The following UNKL variants were observed in gnomAD, a reference collection of about 807,000 sequenced individuals.
The protein encoded by UNKL is putative E3 ubiquitin-protein ligase UNKL.
A neutral mutation model predicts 78.0 loss-of-function variants in UNKL; 60 were observed. That is an observed-to-expected ratio of 0.77 (90% CI 0.63 to 0.95). UNKL has a LOEUF of 0.95. Among genes scored for constraint, UNKL ranks in the 40% least tolerant of loss-of-function variants. UNKL has a pLI of 0.00. For missense variants in UNKL, 1,159 were observed against 1,045.7 expected (o/e 1.11, Z -1.49); for synonymous variants, 608 against 474.8 (o/e 1.28, Z -3.65).
At chr16:1,397,084 A>G in intron 6 of UNKL, 94 bp downstream of exon 6, 1 of 1,365,924 alleles carries the variant, frequency 7.3e-7, no homozygotes, top group Non-Finnish European at 1.0e-6. Flanking sequence ...AAAGTTAATC[A>G]CTGTTCCTTC....
Position 1,414,006 on chromosome 16 carries a change from T to C in UNKL, c.127A>G (p.Lys43Glu), listed in dbSNP as rs1285444519. The C allele has an allele frequency of 1.3e-6, 2 of 1,551,528 alleles. No individual in the cohort carries two copies. Among genetic ancestry groups the C allele is most frequent in the Non-Finnish European group, 1.7e-6 (2 of 1,147,384 alleles). ...GTGAACGGCCGGTGCTGCGCGCACTTGTGCTGTGAAAACAGGGGGCACTGC... is the reference window on the plus strand; with the variant it reads ...GTGAACGGCCGGTGCTGCGCGCACTCGTGCTGTGAAAACAGGGGGCACTGC... The part of the protein sequence containing the change: ...TEQCPLFSQH[K>E]CAQHRPFTCF... The change falls in exon 2 of 15, where the codon AAG becomes GAG. Residue 43 changes from lysine to glutamate, a missense_variant. Physicochemically the swap from Lys to Glu is moderately conservative, Grantham distance 56. Coordinates refer to ENST00000389221, the MANE Select transcript of UNKL (RefSeq NM_001372107.1).
chr16:1,367,170 C>T lies in UNKL; in HGVS notation c.1968G>A (p.Gly656=). Residue 656 remains glycine (G), a synonymous_variant, in exon 14 of 15, where the codon GGG becomes GGA. Transcript: ENST00000389221. ...ASTLPGLRGC[G]DIGTIPLPKL... ...TCGGCAGGGGAATGGTGCCGATGTC[C>T]CCACAGCCCCGCAGCCCCGGCAGTG... 6.2e-7 allele frequency: 1 copy of T among 1,605,668 alleles called. No individual in the cohort carries two copies. The highest frequency in any genetic ancestry group is 8.5e-7 in the Non-Finnish European group (1 of 1,178,036).
chr16:1,367,191 C>T lies in UNKL; in HGVS notation c.1947G>A (p.Leu649=), dbSNP rs917237807. ...ELEGLGVAST[L]PGLRGCGDIG... is the part of the protein sequence containing the mutation. ...TGTCCCCACAGCCCCGCAGCCCCGGCAGTGTGGAGGCTACGCCCAGGCCCT... is the reference window on the plus strand; with the variant it reads ...TGTCCCCACAGCCCCGCAGCCCCGGTAGTGTGGAGGCTACGCCCAGGCCCT... Residue 649 remains leucine (L), a synonymous_variant, in exon 14 of 15, where the codon CTG becomes CTA. Coordinates refer to ENST00000389221, the MANE Select transcript of UNKL (RefSeq NM_001372107.1). 5.0e-6 allele frequency: 8 copies of T among 1,605,980 alleles called. No homozygotes were observed. The highest frequency in any genetic ancestry group is 6.8e-6 in the Non-Finnish European group (8 of 1,178,284).
chr16:1,401,441 G>C (rs2037520176), intron 4 of UNKL, 127 bp downstream of exon 4: 3 of 1,241,490 alleles, frequency 2.4e-6, no homozygotes, highest in Non-Finnish European at 1.0e-6. Flanking sequence ...GACTCCACGA[G>C]CCTCGGTTTC....
Position 1,367,183 on chromosome 16 carries a change from A to G in UNKL, c.1955T>C (p.Leu652Pro). 6.2e-7 allele frequency: 1 copy of G among 1,606,098 alleles called. No homozygotes were observed. The highest frequency in any genetic ancestry group is 8.5e-7 in the Non-Finnish European group (1 of 1,178,196). The change falls in exon 14 of 15, where the codon CTG (leucine) becomes CCG (proline). Residue 652 changes from leucine (L) to proline (P), a missense_variant. Leu to Pro is a moderately conservative substitution (Grantham distance 98). Coordinates refer to ENST00000389221, the MANE Select transcript of UNKL (RefSeq NM_001372107.1). ...GLGVASTLPG[L>P]RGCGDIGTIP... is the part of the protein sequence containing the mutation. ...GGTGCCGATGTCCCCACAGCCCCGC[A>G]GCCCCGGCAGTGTGGAGGCTACGCC...
At chr16:1,401,146 C>G (rs1181796389) in intron 4 of UNKL, among the ~76,000 whole-genome samples, 1 of 152,146 alleles carries the variant, frequency 6.6e-6, no homozygotes, top group Non-Finnish European at 1.5e-5. Flanking sequence ...GAGCACCACC[C>G]CAGAGAGGCG....
At chr16:1,389,794 G>C (rs1056657748) in intron 9 of UNKL, among the ~76,000 whole-genome samples, 1 of 152,212 alleles carries the variant, frequency 6.6e-6, no homozygotes, top group Non-Finnish European at 1.5e-5. Flanking sequence ...AACTGAGAGA[G>C]TCAAGTGCTG....
At chr16:1,374,473 C>G (rs1441113149) in intron 10 of UNKL, among the ~76,000 whole-genome samples, 3 of 152,164 alleles carry the variant, frequency 2.0e-5, no homozygotes, top group Non-Finnish European at 2.9e-5. Context: ...CTCCATGGCC[C>G]CAGGCAACCG....
chr16:1,363,495 C>A lies in UNKL; in HGVS notation c.*2745G>T. ...ACCACAGTTACACACGTCGTGACAC[C>A]ACTGTATCACGGCGAATGTCGAACA... On this transcript the variant is annotated 3_prime_UTR_variant, in exon 15 of 15. Coordinates refer to ENST00000389221, the MANE Select transcript of UNKL (RefSeq NM_001372107.1). 1 of 297,568 alleles carries A rather than the reference C, an allele frequency of 3.4e-6. No homozygotes were observed. The highest frequency in any genetic ancestry group is 6.6e-6 in the Non-Finnish European group (1 of 152,076). 18.4% of individuals were successfully genotyped at this position (297,568 alleles called of 1,614,324 possible).
At chr16:1,400,610 G>A (rs2037484781) in intron 4 of UNKL, among the ~76,000 whole-genome samples, 1 of 151,996 alleles carries the variant, frequency 6.6e-6, no homozygotes, top group Admixed American at 6.6e-5. Flanking sequence ...GAGAGAGGTG[G>A]CAGCTGCACA....
intron 2 of UNKL, among the ~76,000 whole-genome samples, chr16:1,405,573 T>G (rs1199299955): frequency 6.8e-6 from 1 of 146,008 alleles, no homozygotes; most frequent in African/African-American, 2.5e-5. Flanking sequence ...CAAAACTCCA[T>G]CTCAAAAAAA....
At chr16:1,374,450 G>C (rs1477063609) in intron 10 of UNKL, among the ~76,000 whole-genome samples, 3 of 152,096 alleles carry the variant, frequency 2.0e-5, no homozygotes, top group Non-Finnish European at 4.4e-5. Flanking sequence ...TCCTCACCTG[G>C]GACCGATGGT....
In UNKL at chr16:1,366,122, AGG is replaced by A. The variant is rs1596629121; in HGVS notation, c.*116_*117del. On this transcript the variant is annotated 3_prime_UTR_variant, in exon 15 of 15. Coordinates refer to ENST00000389221, the MANE Select transcript of UNKL (RefSeq NM_001372107.1). Reference sequence around the variant, plus strand: ...AGCCTCATGATAACGTGTAACAGGAAGGGCTCCCAGCCTCGGTCCTCACGTCG... The same window carrying A: ...AGCCTCATGATAACGTGTAACAGGAAGCTCCCAGCCTCGGTCCTCACGTCG... 2.4e-6 allele frequency: 3 copies of A among 1,251,028 alleles called. No individual in the cohort carries two copies. The East Asian group carries it at 8.4e-5, about 35-fold the overall frequency. The allele number at this position is 1,251,028 out of a possible 1,614,324, so 77.5% of individuals were successfully genotyped here. A position where few individuals can be genotyped will look rare whatever the true frequency, so the allele number is the denominator to read the frequency against.
In UNKL at chr16:1,403,809, A is replaced by T. The variant is rs753299203; in HGVS notation, c.288-465T>A. On this transcript the variant is annotated intron_variant, in intron 2 of 14. Transcript: ENST00000389221. The surrounding 1 kb of genome is among the most constrained non-coding windows in gnomAD (Gnocchi z 4.8). ...GCTGCTTTCAGGGACCCCAGGAGGG[A>T]GGTAGGGGAGGGAACAAGCACAGGG... 2.6e-5 allele frequency among the ~76,000 whole-genome samples: 4 copies of T among 151,714 alleles called. No homozygotes were observed. Among genetic ancestry groups the T allele is most frequent in the Non-Finnish European group, 4.4e-5 (3 of 67,926 alleles).
intron 2 of UNKL, 151 bp downstream of exon 2, chr16:1,413,695 T>C (rs1310188282): frequency 9.2e-6 from 8 of 870,240 alleles, no homozygotes; most frequent in Non-Finnish European, 1.4e-5. Flanking sequence ...CCAGCATCCC[T>C]GGTCACTAGA....
At position 1,390,292 on chromosome 16, in the gene UNKL, G is replaced by A. The variant is rs113585068; in HGVS notation, c.1086+340C>T. Among the ~76,000 whole-genome samples the A allele has an allele frequency of 1.7e-3, 262 of 152,274 alleles. 3 individuals carry two copies. The highest frequency in any genetic ancestry group is 5.5e-3 in the African/African-American group (227 of 41,548). Reference sequence around the variant, plus strand: ...TGAGCCACCGTGCCCGGCAAGTTCTGCTGTTGGAACGGCCCCATCTGCATC... The same window carrying A: ...TGAGCCACCGTGCCCGGCAAGTTCTACTGTTGGAACGGCCCCATCTGCATC... On this transcript the variant is annotated intron_variant, in intron 9 of 14. Coordinates refer to ENST00000389221, the MANE Select transcript of UNKL (RefSeq NM_001372107.1).
intron 10 of UNKL, among the ~76,000 whole-genome samples, chr16:1,375,941 T>C (rs1242493563): frequency 6.6e-6 from 1 of 152,224 alleles, no homozygotes; most frequent in Non-Finnish European, 1.5e-5. Context: ...CCTCAAAGCC[T>C]GACTGAAGTC....
In UNKL at chr16:1,413,897, ACGTCGGGGCTGTAGTTGAAGGTGC is replaced by A. The variant is rs1330132069; in HGVS notation, c.212_235del (p.Gly71_Asp78del). On this transcript the variant is annotated inframe_deletion, in exon 2 of 15. Transcript: ENST00000389221. ...GGCTTCGTTGTACTTGGAGCAGTAC[ACGTCGGGGCTGTAGTTGAAGGTGC>A]CGTCGCGCCTGCGGAGGGGCCTGCG... 6.4e-7 allele frequency: 1 copy of A among 1,558,750 alleles called. No homozygotes were observed. Among genetic ancestry groups the A allele is most frequent in the Admixed American group, 1.9e-5 (1 of 51,970 alleles).
At chr16:1,389,244 G>C (rs558903918) in intron 9 of UNKL, among the ~76,000 whole-genome samples, 1 of 152,100 alleles carries the variant, frequency 6.6e-6, no homozygotes, top group Non-Finnish European at 1.5e-5. Context: ...CTTGACCCCC[G>C]GTGTGACTAA....
Sources: gnomAD v4.1 joint callset for allele counts (sites outside exome capture counted in the v4.1 genomes callset) on GRCh38, gnomAD v4.1.1 for gene constraint, Gnocchi (gnomAD v3.1) non-coding constraint, MANE v1.5 for transcripts, NCBI Gene and HGNC (gene_info 2026-07-23, HGNC 2026-07-21) for gene names.